RANBP3: variants seen among roughly 807,000 people sequenced by gnomAD.
RANBP3 encodes RAN binding protein 3, also known as ran-binding protein 3.
Under a neutral mutation model 77.3 loss-of-function variants are expected in RANBP3, and 14 were observed. The observed-to-expected ratio is 0.18, with a 90% CI of 0.12 to 0.28. RANBP3 has a LOEUF of 0.28. RANBP3 is among the 10% of genes least tolerant of loss of function. RANBP3 has a pLI of 1.00. For missense variants in RANBP3, 586 were observed against 752.3 expected (o/e 0.78, Z 2.59); for synonymous variants, 315 against 312.4 (o/e 1.01, Z -0.09).
At chr19:5,923,075 G>A (rs150098031) in intron 13 of RANBP3, 119 bp downstream of exon 13, 11 of 772,626 alleles carry the variant, frequency 1.4e-5, no homozygotes, top group Non-Finnish European at 2.1e-5. Context: ...GGGGCCAGTG[G>A]CCCCTCCGTC....
Position 5,917,192 on chromosome 19 carries a change from G to T in RANBP3, c.*418C>A. 3.7e-6 allele frequency: 1 copy of T among 273,936 alleles called. No homozygotes were observed. The highest frequency in any genetic ancestry group is 7.2e-6 in the Non-Finnish European group (1 of 139,248). The allele number at this position is 273,936 out of a possible 1,614,324, so 17.0% of individuals were successfully genotyped here. A position where few individuals can be genotyped will look rare whatever the true frequency, so the allele number is the denominator to read the frequency against. ...AGCCCTGGGCAGGGGCAGAGGGCTGGCTGCTCCCCACAAAGGCAGGGCCCC... is the reference window on the plus strand; with the variant it reads ...AGCCCTGGGCAGGGGCAGAGGGCTGTCTGCTCCCCACAAAGGCAGGGCCCC... On this transcript the variant is annotated 3_prime_UTR_variant, in exon 17 of 17. Coordinates refer to ENST00000340578, the MANE Select transcript of RANBP3 (RefSeq NM_007322.3).
intron 1 of RANBP3, among the ~76,000 whole-genome samples, chr19:5,972,768 C>A (rs1245568651): frequency 6.6e-6 from 1 of 152,220 alleles, no homozygotes; most frequent in Non-Finnish European, 1.5e-5. Context: ...CCACCCCAAG[C>A]TCCTCCAAAT....
At position 5,918,584 on chromosome 19, in the gene RANBP3, T is replaced by C; in HGVS notation, c.1385A>G (p.Gln462Arg). ...RLILNTKLWA[Q>R]MQIDKASEKS... ...CTCGCTGGCCTTGTCGATCTGCATC[T>C]GGGCCCACAGCTTGGTGTTGAGGAT... Residue 462 changes from glutamine (Q) to arginine (R), a missense_variant, in exon 15 of 17, where the codon CAG becomes CGG. Gln to Arg is a conservative substitution (Grantham distance 43, BLOSUM62 1). Around this residue, in one of 5 missense-constraint regions of RANBP3, gnomAD observed 128 missense variants for 157.0 expected, o/e 0.82. Coordinates refer to ENST00000340578, the MANE Select transcript of RANBP3 (RefSeq NM_007322.3). 1 of 1,613,790 alleles carries C rather than the reference T, an allele frequency of 6.2e-7. No homozygotes were observed.
intron 1 of RANBP3, among the ~76,000 whole-genome samples, chr19:5,961,865 C>T (rs1183418303): frequency 6.6e-6 from 1 of 151,956 alleles, no homozygotes; most frequent in African/African-American, 2.4e-5. Context: ...CTGAAAAGCC[C>T]GCTGTCGCTG....
intron 1 of RANBP3, among the ~76,000 whole-genome samples, chr19:5,975,653 T>C (rs2058581733): frequency 6.9e-6 from 1 of 145,852 alleles, no homozygotes; most frequent in Non-Finnish European, 1.5e-5. Flanking sequence ...ATGTAATATC[T>C]AGCATGCCGG....
chr19:5,917,432 A>G lies in RANBP3; in HGVS notation c.*178T>C. On this transcript the variant is annotated 3_prime_UTR_variant, in exon 17 of 17. Transcript: ENST00000340578. ...GATGAGGTCTCGTGTCCCAAACCAC[A>G]TTCAGGCAGTTCCCGAGTCTGCTTT... is the stretch of plus-strand genomic sequence containing the variant. 1.6e-6 allele frequency: 1 copy of G among 627,230 alleles called. No homozygotes were observed. Among genetic ancestry groups the G allele is most frequent in the East Asian group, 2.8e-5 (1 of 35,280 alleles). 38.9% of individuals were successfully genotyped at this position (627,230 alleles called of 1,614,324 possible). A position where few individuals can be genotyped will look rare whatever the true frequency, so the allele number is the denominator to read the frequency against.
At chr19:5,932,721 G>A (rs1599737849) in intron 6 of RANBP3, 177 bp from the exon 7 acceptor site, 1 of 586,982 alleles carries the variant, frequency 1.7e-6, no homozygotes, top group East Asian at 2.9e-5. Context: ...TCTGGCTACT[G>A]TTATTTTTAC....
chr19:5,927,203 G>C (rs866471184), intron 9 of RANBP3, among the ~76,000 whole-genome samples: 1 of 152,112 alleles, frequency 6.6e-6, no homozygotes, highest in Non-Finnish European at 1.5e-5. Context: ...GCTGACCCTG[G>C]TCTTCCTAGA....
At chr19:5,940,254 T>TCC (rs1377398965) in intron 5 of RANBP3, among the ~76,000 whole-genome samples, 2 of 151,982 alleles carry the variant, frequency 1.3e-5, no homozygotes, top group Non-Finnish European at 2.9e-5. Context: ...CCCAAACACC[T>TCC]CCTCTTCTCT....
At chr19:5,953,395 C>T (rs1329239625) in intron 2 of RANBP3, among the ~76,000 whole-genome samples, 3 of 152,164 alleles carry the variant, frequency 2.0e-5, no homozygotes, top group African/African-American at 4.8e-5. Flanking sequence ...GCAAAAACCA[C>T]GTGCACCAGG....
At chr19:5,962,765 T>C in intron 1 of RANBP3, 2 of 456,004 alleles carry the variant, frequency 4.4e-6, no homozygotes. Flanking sequence ...GGCCAAAGGT[T>C]GATCAACTGC....
intron 4 of RANBP3, 25 bp downstream of exon 4, chr19:5,941,774 T>A: frequency 6.2e-7 from 1 of 1,612,292 alleles, no homozygotes; most frequent in Non-Finnish European, 8.5e-7. Context: ...CTGAAGATGG[T>A]CAAAGGTGTT....
intron 1 of RANBP3, chr19:5,962,752 TC>T (rs1359371606): frequency 2.0e-5 from 9 of 455,954 alleles, no homozygotes; most frequent in African/African-American, 1.6e-4. Context: ...GCATTTCTAC[TC>T]AGGCCAAAGG....
Position 5,921,633 on chromosome 19 carries a change from C to G in RANBP3, c.1210-312G>C, listed in dbSNP as rs548023509. Among the ~76,000 whole-genome samples the G allele has an allele frequency of 1.8e-4, 27 of 152,380 alleles. No individual in the cohort carries two copies. The South Asian group carries it at 5.4e-3, about 30-fold the overall frequency. Reference sequence around the variant, plus strand: ...CCTCACACACTGCTGGCGGGAAGGCCGCATGGTGCCACTGCTGTGGAAGAG... The same window carrying G: ...CCTCACACACTGCTGGCGGGAAGGCGGCATGGTGCCACTGCTGTGGAAGAG... On this transcript the variant is annotated intron_variant, in intron 13 of 16. Coordinates refer to ENST00000340578, the MANE Select transcript of RANBP3 (RefSeq NM_007322.3). The surrounding 1 kb of genome is among the most constrained non-coding windows in gnomAD (Gnocchi z 5.3).
chr19:5,977,138 G>A (rs1471937399), intron 1 of RANBP3, among the ~76,000 whole-genome samples: 1 of 152,124 alleles, frequency 6.6e-6, no homozygotes. Flanking sequence ...CCAGTCACAG[G>A]GAGCACCGAA....
chr19:5,933,731 G>A, intron 5 of RANBP3: 1 of 424,650 alleles, frequency 2.4e-6, no homozygotes, highest in Non-Finnish European at 4.3e-6. Context: ...GGCAGGTGGG[G>A]CGTCAGCCGC....
In RANBP3 at chr19:5,959,731, C is replaced by T. The variant is rs889942017; in HGVS notation, c.23-1758G>A. On this transcript the variant is annotated intron_variant, in intron 1 of 16. Transcript: ENST00000340578. This position sits in a 1 kb window ranked among gnomAD's most constrained non-coding sequence, Gnocchi z 5.1. ...CTGGGACAGAGCAGCAGCGTATCCA[C>T]ACCATGTGTGCCACCAGGATCCTAG... 1.3e-5 allele frequency among the ~76,000 whole-genome samples: 2 copies of T among 152,156 alleles called. No individual in the cohort carries two copies. Among genetic ancestry groups the T allele is most frequent in the East Asian group, 1.9e-4 (1 of 5,182 alleles).
chr19:5,918,772 C>T lies in RANBP3; in HGVS notation c.1331-134G>A, dbSNP rs540942304. On this transcript the variant is annotated intron_variant, in intron 14 of 16. Coordinates refer to ENST00000340578, the MANE Select transcript of RANBP3 (RefSeq NM_007322.3). ...AGCCCATGATCCTCCCAGGACCCAC[C>T]CACAGAGCAAGACTTCTCCCTGAGG... 7.7e-6 allele frequency: 9 copies of T among 1,162,394 alleles called. No homozygotes were observed. The African/African-American group carries it at 1.2e-4, about 16-fold the overall frequency. The allele number at this position is 1,162,394 out of a possible 1,614,324, so 72.0% of individuals were successfully genotyped here. A position where few individuals can be genotyped will look rare whatever the true frequency, so the allele number is the denominator to read the frequency against.
At chr19:5,968,858 T>G (rs2058498275) in intron 1 of RANBP3, among the ~76,000 whole-genome samples, 1 of 152,136 alleles carries the variant, frequency 6.6e-6, no homozygotes, top group Non-Finnish European at 1.5e-5. Flanking sequence ...AGGCCGCAGC[T>G]CTCTACTGGG....
Sources: allele counts gnomAD v4.1 joint callset (sites outside exome capture counted in the v4.1 genomes callset), GRCh38; gene constraint gnomAD v4.1.1; regional missense constraint gnomAD v4.1.1; non-coding constraint Gnocchi (gnomAD v3.1); transcripts MANE v1.5; gene names NCBI Gene and HGNC (gene_info 2026-07-23, HGNC 2026-07-21).